KCNMB2: variants seen among roughly 807,000 people sequenced by gnomAD.
KCNMB2 encodes calcium-activated potassium channel subunit beta-2.
Under a neutral mutation model 24.5 loss-of-function variants are expected in KCNMB2, and 9 were observed. The observed-to-expected ratio is 0.37, with a 90% confidence interval of 0.22 to 0.64. The LOEUF (loss-of-function observed/expected upper bound fraction) is 0.64. KCNMB2 is among the 30% of genes least tolerant of loss of function. The probability of loss-of-function intolerance (pLI) is 0.63; values close to 1 mark genes in which losing one functional copy is unlikely to be tolerated. For missense variants in KCNMB2, 226 were observed against 284.3 expected (o/e 0.79, Z 1.47); for synonymous variants, 109 against 104.4 (o/e 1.04, Z -0.27).
chr3:178,596,690 C>T lies in KCNMB2; in HGVS notation c.-68+59979C>T, dbSNP rs115034027. ...CCCATCTTCTAGCCCCACATTCCCA[C>T]CAACCCCCGCCCCCAACCCAGGAAT... On this transcript the variant is annotated intron_variant, in intron 1 of 4. Coordinates refer to ENST00000452583, the MANE Select transcript of KCNMB2 (RefSeq NM_181361.3). Among the ~76,000 whole-genome samples, 311 of 152,024 alleles carry T rather than the reference C, an allele frequency of 2.0e-3. 3 individuals carry two copies. The highest frequency in any genetic ancestry group is 7.1e-3 in the African/African-American group (293 of 41,446).
intron 1 of KCNMB2, among the ~76,000 whole-genome samples, chr3:178,548,019 T>C (rs960423425): frequency 6.6e-6 from 1 of 152,248 alleles, no homozygotes; most frequent in Non-Finnish European, 1.5e-5. Flanking sequence ...CTGATTCTTC[T>C]TTCAAAATAT....
intron 1 of KCNMB2, among the ~76,000 whole-genome samples, chr3:178,663,586 A>G (rs1720612628): frequency 6.6e-6 from 1 of 152,094 alleles, no homozygotes; most frequent in Non-Finnish European, 1.5e-5. Context: ...GCAAAGTACA[A>G]ATTGAAGACA....
At chr3:178,690,557 G>A (rs892626522) in intron 1 of KCNMB2, among the ~76,000 whole-genome samples, 1 of 151,822 alleles carries the variant, frequency 6.6e-6, no homozygotes, top group African/African-American at 2.4e-5. Context: ...GAGGGAGGGA[G>A]TGAGGGAAGA....
At chr3:178,801,171 A>G (rs1225162235) in intron 1 of KCNMB2, among the ~76,000 whole-genome samples, 2 of 152,164 alleles carry the variant, frequency 1.3e-5, no homozygotes, top group African/African-American at 4.8e-5. Flanking sequence ...TAAAATAACT[A>G]AAAGAGTAAT....
intron 1 of KCNMB2, among the ~76,000 whole-genome samples, chr3:178,798,689 A>C (rs566816464): frequency 6.6e-6 from 1 of 152,178 alleles, no homozygotes; most frequent in South Asian, 2.1e-4. Context: ...ACACACAGAC[A>C]CAGGGAGGGG....
intron 4 of KCNMB2, among the ~76,000 whole-genome samples, chr3:178,829,548 A>G (rs1714976704): frequency 6.6e-6 from 1 of 152,238 alleles, no homozygotes. Flanking sequence ...GTAGCCACAA[A>G]TAATACCAGT....
intron 1 of KCNMB2, among the ~76,000 whole-genome samples, chr3:178,769,242 T>C (rs901777475): frequency 2.6e-5 from 4 of 152,218 alleles, no homozygotes; most frequent in African/African-American, 9.6e-5. Flanking sequence ...AAAGTATATA[T>C]GGTGTAAATG....
intron 1 of KCNMB2, among the ~76,000 whole-genome samples, chr3:178,538,197 T>A (rs181003125): frequency 3.9e-5 from 6 of 152,314 alleles, no homozygotes; most frequent in African/African-American, 1.2e-4. Flanking sequence ...TGTGGTGGAT[T>A]TTACTGAACC....
At chr3:178,758,427 G>GAT (rs553780762) in intron 1 of KCNMB2, among the ~76,000 whole-genome samples, 284 of 27,634 alleles carry the variant, frequency 0.01, 16 homozygotes, top group Non-Finnish European at 0.015. Flanking sequence ...TCCAAGAGGG[G>GAT]ATATATATAT....
intron 1 of KCNMB2, among the ~76,000 whole-genome samples, chr3:178,681,605 A>G (rs1378984784): frequency 6.6e-6 from 1 of 152,226 alleles, no homozygotes; most frequent in Non-Finnish European, 1.5e-5. Context: ...AAAACTGAAC[A>G]TTAGAAGGGT....
chr3:178,545,231 T>C (rs1577000861), intron 1 of KCNMB2, among the ~76,000 whole-genome samples: 1 of 152,306 alleles, frequency 6.6e-6, no homozygotes, highest in South Asian at 2.1e-4. Context: ...TTAGTCCACA[T>C]AGGATTCTTA....
chr3:178,549,670 C>T (rs537565515), intron 1 of KCNMB2, among the ~76,000 whole-genome samples: 85 of 152,118 alleles, frequency 5.6e-4, no homozygotes, highest in African/African-American at 1.9e-3. Context: ...GCAGTTTTAA[C>T]AATAAGCTAA....
At chr3:178,714,141 TCA>T (rs148967867) in intron 1 of KCNMB2, among the ~76,000 whole-genome samples, 2 of 151,214 alleles carry the variant, frequency 1.3e-5, no homozygotes, top group Non-Finnish European at 1.5e-5. Context: ...CTTCCTTCAG[TCA>T]CACACACACA....
intron 1 of KCNMB2, among the ~76,000 whole-genome samples, chr3:178,732,203 AAAT>A (rs1340820236): frequency 1.4e-4 from 21 of 152,238 alleles, no homozygotes; most frequent in South Asian, 6.2e-4. Flanking sequence ...AATTTTTGTA[AAAT>A]AATAATATTG....
chr3:178,634,893 G>A (rs1240158660), intron 1 of KCNMB2, among the ~76,000 whole-genome samples: 1 of 152,158 alleles, frequency 6.6e-6, no homozygotes, highest in Non-Finnish European at 1.5e-5. Flanking sequence ...GAAGGTCTTG[G>A]TCATGCCAGG....
chr3:178,737,260 T>C (rs1451980679), intron 1 of KCNMB2, among the ~76,000 whole-genome samples: 1 of 152,022 alleles, frequency 6.6e-6, no homozygotes, highest in African/African-American at 2.4e-5. Context: ...CAGAGTGAGA[T>C]TCTGTTTAAA....
At chr3:178,691,323 G>T in intron 1 of KCNMB2, among the ~76,000 whole-genome samples, 1 of 148,478 alleles carries the variant, frequency 6.7e-6, no homozygotes. Context: ...AGATAAACTT[G>T]TGTCATGGGC....
intron 1 of KCNMB2, among the ~76,000 whole-genome samples, chr3:178,716,079 C>T (rs1354957794): frequency 6.6e-6 from 1 of 152,232 alleles, no homozygotes; most frequent in Admixed American, 6.5e-5. Flanking sequence ...CCAAAGCTTA[C>T]AGTTCAGCCA....
intron 1 of KCNMB2, among the ~76,000 whole-genome samples, chr3:178,678,005 G>A (rs901579959): frequency 2.0e-5 from 3 of 152,252 alleles, no homozygotes; most frequent in African/African-American, 4.8e-5. Flanking sequence ...AGAAGGACAC[G>A]AAGGCTCCCA....
Sources: gnomAD v4.1 joint callset for allele counts (sites outside exome capture counted in the v4.1 genomes callset) on GRCh38, gnomAD v4.1.1 for gene constraint, MANE v1.5 for transcripts, NCBI Gene and HGNC (gene_info 2026-07-23, HGNC 2026-07-21) for gene names.